Variants in JAKMIP3 observed in about 807,000 individuals in gnomAD.
JAKMIP3 encodes the protein Janus kinase and microtubule interacting protein 3.
Under a neutral mutation model 118.5 loss-of-function variants are expected in JAKMIP3, and 58 were observed. The observed-to-expected ratio is 0.49, with a 90% confidence interval of 0.40 to 0.61. JAKMIP3 has a LOEUF of 0.61. Ranked by LOEUF, JAKMIP3 falls within the 20% of genes least tolerant of loss-of-function variation. The pLI is 0.00. For synonymous variants in JAKMIP3, 486 were observed against 451.2 expected, an observed-to-expected ratio of 1.08 and a Z score of -0.98; for missense variants, 950 against 1,109.0, an observed-to-expected ratio of 0.86 and a Z score of 2.04.
intron 23 of JAKMIP3, among the ~76,000 whole-genome samples, chr10:132,172,288 C>A (rs1422272838): frequency 6.6e-6 from 1 of 152,026 alleles, no homozygotes; most frequent in Admixed American, 6.6e-5. Context: ...CCAGGGTGCC[C>A]GAGATGGGTG....
At chr10:132,057,829 C>A (rs770559141) in intron 1 of JAKMIP3, among the ~76,000 whole-genome samples, 1 of 152,140 alleles carries the variant, frequency 6.6e-6, no homozygotes, top group Non-Finnish European at 1.5e-5. Flanking sequence ...CTCAACCCAG[C>A]ATGAATGCAG....
At chr10:132,105,665 G>A (rs889381333) in intron 2 of JAKMIP3, among the ~76,000 whole-genome samples, 1 of 152,200 alleles carries the variant, frequency 6.6e-6, no homozygotes, top group South Asian at 2.1e-4. Flanking sequence ...TCCATCTCCT[G>A]GTCCCCAGGA....
At chr10:132,163,144 G>A in intron 19 of JAKMIP3, 65 bp from the exon 20 acceptor site, 2 of 1,464,914 alleles carry the variant, frequency 1.4e-6, no homozygotes, top group Non-Finnish European at 1.8e-6. Context: ...GGCCTCCGTT[G>A]CCCTTCCTGA....
chr10:132,180,666 C>T (rs897169444), intron 23 of JAKMIP3, among the ~76,000 whole-genome samples: 167 of 14,358 alleles, frequency 0.012, 15 homozygotes, highest in Admixed American at 0.023. Context: ...TGCGTGTGTG[C>T]GTGTGTGTGC....
intron 1 of JAKMIP3, among the ~76,000 whole-genome samples, chr10:132,038,884 G>A (rs1396217409): frequency 1.3e-5 from 2 of 151,960 alleles, no homozygotes; most frequent in South Asian, 4.1e-4. Flanking sequence ...GGGTGTGGGT[G>A]TCCCCCTGTT....
intron 9 of JAKMIP3, among the ~76,000 whole-genome samples, chr10:132,139,106 A>ATG (rs1320295064): frequency 1.5e-4 from 4 of 27,374 alleles, no homozygotes; most frequent in Admixed American, 4.3e-4. Context: ...ATGTGTGTAC[A>ATG]TGTGTGTGTA....
intron 14 of JAKMIP3, 133 bp downstream of exon 14, chr10:132,148,183 GAA>G: frequency 1.7e-6 from 1 of 580,658 alleles, no homozygotes; most frequent in South Asian, 2.1e-5. Context: ...CGTCAGGGAG[GAA>G]AGAGGCAAAT....
At chr10:132,142,134 T>C in intron 11 of JAKMIP3, 86 bp downstream of exon 11, 1 of 1,412,312 alleles carries the variant, frequency 7.1e-7, no homozygotes, top group East Asian at 2.5e-5. Flanking sequence ...CCCCCCTCAC[T>C]AGCCCTCCTG....
intron 8 of JAKMIP3, 59 bp from the exon 9 acceptor site, chr10:132,138,060 G>T: frequency 1.3e-6 from 2 of 1,503,644 alleles, no homozygotes; most frequent in South Asian, 2.4e-5. Flanking sequence ...GTAAACCGTG[G>T]ACTGAAACCG....
At chr10:132,159,001 G>GT (rs2057436233) in intron 19 of JAKMIP3, among the ~76,000 whole-genome samples, 2 of 86,644 alleles carry the variant, frequency 2.3e-5, no homozygotes, top group Admixed American at 1.1e-4. Context: ...GATGCTGGGG[G>GT]GGGGCCTCTC....
Position 132,104,952 on chromosome 10 carries a change from T to A in JAKMIP3, c.135+9T>A, listed in dbSNP as rs765906115. On this transcript the variant is annotated intron_variant, in intron 2 of 23. Coordinates refer to ENST00000684848, the MANE Select transcript of JAKMIP3 (RefSeq NM_001323087.2). ...AGCAGGAGAAGAGCAAGGTGGGCGC[T>A]CCCCAGACCTCCACCCTTGAATGTC... The A allele has an allele frequency of 9.5e-6, 15 of 1,582,686 alleles. No individual in the cohort carries two copies. Among genetic ancestry groups the A allele is most frequent in the South Asian group, 8.1e-5 (7 of 86,222 alleles).
chr10:132,039,993 G>T (rs906023369), intron 1 of JAKMIP3, among the ~76,000 whole-genome samples: 1 of 152,384 alleles, frequency 6.6e-6, no homozygotes, highest in Non-Finnish European at 1.5e-5. Context: ...CTGGGATGAA[G>T]ACAATCAGTA....
rs1165414417 is a variant in JAKMIP3 at position 132,167,954 on chromosome 10, C to T, written c.*24C>T. The T allele has an allele frequency of 1.0e-5, 13 of 1,289,244 alleles. No individual in the cohort carries two copies. Among genetic ancestry groups the T allele is most frequent in the Non-Finnish European group, 1.2e-5 (12 of 988,720 alleles). The allele number at this position is 1,289,244 out of a possible 1,614,324, so 79.9% of individuals were successfully genotyped here. A position where few individuals can be genotyped will look rare whatever the true frequency, so the allele number is the denominator to read the frequency against. On this transcript the variant is annotated splice_region_variant and 3_prime_UTR_variant, in exon 23 of 24. Transcript: ENST00000684848. ...CACTCTACGTTTCATTTCTTCCAGC[C>T]CCACATTGAATCGGACCCTTTTCCT...
At chr10:132,143,142 C>CGGGGGGGG (rs139480000) in intron 11 of JAKMIP3, among the ~76,000 whole-genome samples, 1 of 146,832 alleles carries the variant, frequency 6.8e-6, no homozygotes. Flanking sequence ...TGTCCTGAGT[C>CGGGGGGGG]GGGGTGGGGG....
At chr10:132,043,144 C>T (rs1287934495) in intron 1 of JAKMIP3, among the ~76,000 whole-genome samples, 2 of 152,152 alleles carry the variant, frequency 1.3e-5, no homozygotes, top group Non-Finnish European at 2.9e-5. Context: ...TAGTTTATTT[C>T]TGAATGTGGC....
chr10:132,062,810 C>T (rs760052533), upstream of JAKMIP3, among the ~76,000 whole-genome samples: 4 of 152,134 alleles, frequency 2.6e-5, no homozygotes, highest in African/African-American at 4.8e-5. Flanking sequence ...CTTTGCATGA[C>T]GGGAGCTGGG....
intron 23 of JAKMIP3, among the ~76,000 whole-genome samples, chr10:132,175,006 C>T (rs187409812): frequency 2.3e-4 from 35 of 152,234 alleles, no homozygotes; most frequent in Admixed American, 6.5e-4. Flanking sequence ...ATTCTGGATA[C>T]GTGCCATTAT....
chr10:132,125,380 C>T (rs2049333644), intron 3 of JAKMIP3, among the ~76,000 whole-genome samples: 1 of 152,262 alleles, frequency 6.6e-6, no homozygotes, highest in South Asian at 2.1e-4. Context: ...TCAAGTGAGC[C>T]CACAGACGCG....
At chr10:132,147,241 C>T (rs1404778287) in intron 13 of JAKMIP3, among the ~76,000 whole-genome samples, 1 of 152,194 alleles carries the variant, frequency 6.6e-6, no homozygotes, top group East Asian at 1.9e-4. Context: ...TTATCTTGGT[C>T]CCCTGAGCAT....
Sources: allele counts gnomAD v4.1 joint callset (sites outside exome capture counted in the v4.1 genomes callset), GRCh38; gene constraint gnomAD v4.1.1; transcripts MANE v1.5; gene names NCBI Gene and HGNC (gene_info 2026-07-23, HGNC 2026-07-21).